PTCH1: variants seen among roughly 807,000 people sequenced by gnomAD.
PTCH1 encodes patched 1.
Under a neutral mutation model 144.6 loss-of-function variants are expected in PTCH1, and 14 were observed. That is an observed-to-expected ratio of 0.10 (90% confidence interval 0.06 to 0.15). The LOEUF (loss-of-function observed/expected upper bound fraction) is 0.15. PTCH1 is among the 10% of genes least tolerant of loss of function. The probability of loss-of-function intolerance (pLI) is 1.00; values close to 1 mark genes in which losing one functional copy is unlikely to be tolerated. For missense variants in PTCH1, 1,623 were observed against 1,948.3 expected, an observed-to-expected ratio of 0.83 and a Z score of 3.14; for synonymous variants, 833 against 793.6, an observed-to-expected ratio of 1.05 and a Z score of -0.83.
chr9:95,489,238 C>T (rs1375536490), intron 2 of PTCH1, among the ~76,000 whole-genome samples: 16 of 152,246 alleles, frequency 1.1e-4, no homozygotes, highest in Non-Finnish European at 1.9e-4. Context: ...CATTATCTTG[C>T]TGTCTTCCTT....
intron 15 of PTCH1, among the ~76,000 whole-genome samples, chr9:95,462,637 G>A (rs914054394): frequency 2.0e-5 from 3 of 152,202 alleles, no homozygotes; most frequent in Non-Finnish European, 2.9e-5. Flanking sequence ...GGGGGTGGAG[G>A]AGAAGGAAGG....
intron 12 of PTCH1, among the ~76,000 whole-genome samples, chr9:95,471,594 A>G (rs539639586): frequency 1.7e-4 from 26 of 152,342 alleles, no homozygotes; most frequent in African/African-American, 6.0e-4. Context: ...CCTACTCTCA[A>G]TTCTCACAGA....
intron 1 of PTCH1, among the ~76,000 whole-genome samples, chr9:95,515,530 G>C (rs1844324867): frequency 6.6e-6 from 1 of 152,180 alleles, no homozygotes; most frequent in African/African-American, 2.4e-5. Context: ...TTTTAAACAT[G>C]AACGTACTAA....
intron 2 of PTCH1, among the ~76,000 whole-genome samples, chr9:95,489,695 G>A (rs1483136783): frequency 6.6e-6 from 1 of 151,792 alleles, no homozygotes; most frequent in Non-Finnish European, 1.5e-5. Flanking sequence ...TAATGTTCGT[G>A]AAATAGTGCA....
chr9:95,490,476 A>G (rs1588632273), intron 2 of PTCH1, among the ~76,000 whole-genome samples: 1 of 151,310 alleles, frequency 6.6e-6, no homozygotes, highest in Non-Finnish European at 1.5e-5. Flanking sequence ...ATGAGACCCC[A>G]CTTCAAAACA....
At position 95,477,676 on chromosome 9, in the gene PTCH1, C is replaced by T; in HGVS notation, c.1374G>A (p.Leu458=). ...LMLAYACLTM[L]RWDCSKSQGA... Reference sequence around the variant, plus strand: ...CCTGGGACTTGGAGCAGTCCCAGCGCAGCATGGTTAGACAGGCATAGGCGA... The same window carrying T: ...CCTGGGACTTGGAGCAGTCCCAGCGTAGCATGGTTAGACAGGCATAGGCGA... The change falls in exon 10 of 24, where the codon CTG becomes CTA. Residue 458 remains leucine (L), a synonymous_variant. Transcript: ENST00000331920. 1 of 1,614,204 alleles carries T rather than the reference C, an allele frequency of 6.2e-7. No individual in the cohort carries two copies. Among genetic ancestry groups the T allele is most frequent in the Non-Finnish European group, 8.5e-7 (1 of 1,180,044 alleles).
intron 1 of PTCH1, chr9:95,507,715 C>T (rs1843810237): frequency 5.5e-6 from 1 of 182,948 alleles, no homozygotes; most frequent in Non-Finnish European, 1.1e-5. Flanking sequence ...ACTCCGCCTC[C>T]CCCTCCAAGA....
chr9:95,508,702 T>G lies in PTCH1; in HGVS notation c.-341A>C, dbSNP rs551570374. 847 of 986,508 alleles carry G rather than the reference T, an allele frequency of 8.6e-4. 2 individuals are homozygous for G. The African/African-American group carries it at 0.014, about 16-fold the overall frequency. 61.1% of individuals were successfully genotyped at this position (986,508 alleles called of 1,614,324 possible). On this transcript the variant is annotated 5_prime_UTR_variant, in exon 1 of 24. Coordinates refer to ENST00000331920, the MANE Select transcript of PTCH1 (RefSeq NM_000264.5). ...CCGGCGCGCCGAGCGAGCCTGTCCT[T>G]CGGGCGCTTCCGCGGCACTCCTTGC...
At chr9:95,460,298 G>A (rs16909883) in intron 16 of PTCH1, among the ~76,000 whole-genome samples, 2,598 of 152,268 alleles carry the variant, frequency 0.017, 72 homozygotes, top group African/African-American at 0.06. Flanking sequence ...GCGCCAGAAA[G>A]TGCAAGGGAC....
rs1438446491 is a variant in PTCH1, at chr9:95,444,972, T to C, written c.*1421A>G. 1 of 152,220 alleles carries C rather than the reference T, an allele frequency of 6.6e-6. No homozygotes were observed. The highest frequency in any genetic ancestry group is 1.5e-5 in the Non-Finnish European group (1 of 68,048). 9.4% of individuals were successfully genotyped at this position (152,220 alleles called of 1,614,324 possible). The stretch of plus-strand genomic sequence containing the variant: ...CATCCTCCTGCTTTCCCACATCACA[T>C]TGAAAGAGCACTAATGACGGGGAGG... On this transcript the variant is annotated 3_prime_UTR_variant, in exon 24 of 24. Coordinates refer to ENST00000331920, the MANE Select transcript of PTCH1 (RefSeq NM_000264.5).
At chr9:95,474,377 A>G (rs371341987) in intron 12 of PTCH1, among the ~76,000 whole-genome samples, 33 of 152,286 alleles carry the variant, frequency 2.2e-4, no homozygotes, top group African/African-American at 7.9e-4. Context: ...ACCTGCGCAC[A>G]AAGGCATTCT....
chr9:95,488,066 T>A (rs545561227), intron 2 of PTCH1, among the ~76,000 whole-genome samples: 148 of 152,332 alleles, frequency 9.7e-4, no homozygotes, highest in Non-Finnish European at 1.9e-3. Flanking sequence ...AAGTTTGTGC[T>A]GCTAAGAAAT....
intron 9 of PTCH1, 106 bp downstream of exon 9, chr9:95,477,949 A>G (rs776584678): frequency 6.4e-6 from 10 of 1,553,372 alleles, no homozygotes; most frequent in Non-Finnish European, 8.9e-6. Context: ...TCCTGGATGC[A>G]CATCGATGTT....
intron 20 of PTCH1, chr9:95,452,886 C>A (rs778906702): frequency 6.3e-6 from 1 of 159,964 alleles, no homozygotes; most frequent in Non-Finnish European, 1.4e-5. Context: ...TAACCCGAGA[C>A]AATAATGGGC....
intron 18 of PTCH1, among the ~76,000 whole-genome samples, chr9:95,457,673 A>G (rs1318807281): frequency 6.6e-6 from 1 of 152,208 alleles, no homozygotes; most frequent in African/African-American, 2.4e-5. Flanking sequence ...GGCCTGGATG[A>G]GGTCACAAAA....
chr9:95,450,892 T>C (rs886342777), intron 20 of PTCH1: 2 of 152,140 alleles, frequency 1.3e-5, no homozygotes, highest in Non-Finnish European at 2.9e-5. Context: ...ACACTCTGCA[T>C]GGCTGGAGGG....
intron 20 of PTCH1, chr9:95,452,716 C>T (rs1838570970): frequency 6.6e-6 from 1 of 152,598 alleles, no homozygotes; most frequent in African/African-American, 2.4e-5. Flanking sequence ...CTAAATGCTT[C>T]CTAATTGTGG....
chr9:95,502,664 G>A (rs927706249), intron 2 of PTCH1, among the ~76,000 whole-genome samples: 30 of 152,144 alleles, frequency 2.0e-4, no homozygotes, highest in African/African-American at 7.2e-4. Flanking sequence ...ATCATTATAT[G>A]GACATTTTAA....
intron 7 of PTCH1, 133 bp downstream of exon 7, chr9:95,479,836 T>C (rs1261291702): frequency 3.3e-5 from 48 of 1,445,952 alleles, no homozygotes; most frequent in Non-Finnish European, 5.8e-6. Flanking sequence ...TAATATTCTA[T>C]GACGCCACCT....
Sources: gnomAD v4.1 joint callset for allele counts (sites outside exome capture counted in the v4.1 genomes callset) on GRCh38, gnomAD v4.1.1 for gene constraint, MANE v1.5 for transcripts, NCBI Gene and HGNC (gene_info 2026-07-23, HGNC 2026-07-21) for gene names.